KNDC1: variants seen among roughly 807,000 people sequenced by gnomAD.
KNDC1 encodes kinase non-catalytic C-lobe domain-containing protein 1.
Under a neutral mutation model 172.8 loss-of-function variants are expected in KNDC1, and 106 were observed. That is an observed-to-expected ratio of 0.61 (90% CI 0.52 to 0.72). The LOEUF (loss-of-function observed/expected upper bound fraction) is 0.72. Ranked by LOEUF, KNDC1 falls within the 30% of genes least tolerant of loss-of-function variation. The pLI is 0.00. For missense variants in KNDC1, 2,325 were observed against 2,394.5 expected (o/e 0.97, Z 0.61); for synonymous variants, 1,083 against 1,062.2 (o/e 1.02, Z -0.38).
intron 3 of KNDC1, among the ~76,000 whole-genome samples, chr10:133,176,124 A>G (rs1853532043): frequency 6.6e-6 from 1 of 150,660 alleles, no homozygotes; most frequent in Admixed American, 6.6e-5. Flanking sequence ...GTGTATGAAC[A>G]GGCAGATGTA....
At chr10:133,164,919 C>T (rs1242491499) in intron 1 of KNDC1, among the ~76,000 whole-genome samples, 3 of 152,164 alleles carry the variant, frequency 2.0e-5, no homozygotes, top group Admixed American at 6.5e-5. Flanking sequence ...CCTGTCTGAC[C>T]CCCCCTTGCT....
At chr10:133,172,115 C>G (rs943720750) in intron 3 of KNDC1, among the ~76,000 whole-genome samples, 14 of 152,186 alleles carry the variant, frequency 9.2e-5, no homozygotes, top group Admixed American at 9.2e-4. Flanking sequence ...CAGGGAACAG[C>G]AATGAGTCTT....
In KNDC1 at chr10:133,218,840, A is replaced by C. The variant is rs548149750; in HGVS notation, c.4687A>C (p.Asn1563His). The C allele has an allele frequency of 2.5e-6, 4 of 1,611,280 alleles. No homozygotes were observed. In the Admixed American group the frequency reaches 6.7e-5, roughly 27 times the overall value. Residue 1563 changes from asparagine to histidine, a missense_variant, in exon 27 of 30, where the codon AAC becomes CAC. Transcript: ENST00000304613. ...CATTTTCTTATTGCAGCTGCAGGTG[A>C]ACTTGCTGTCCAAATTTTTGCTGAT... ...VTSHTSKLQV[N>H]LLSKFLLIAK...
At chr10:133,165,042 C>T (rs2135941756) in intron 1 of KNDC1, among the ~76,000 whole-genome samples, 1 of 152,292 alleles carries the variant, frequency 6.6e-6, no homozygotes, top group Middle Eastern at 3.4e-3. Context: ...AGAGTTCAGG[C>T]CTGGGAGCCC....
At chr10:133,189,025 C>T (rs1228494893) in intron 7 of KNDC1, among the ~76,000 whole-genome samples, 1 of 152,282 alleles carries the variant, frequency 6.6e-6, no homozygotes, top group East Asian at 1.9e-4. Context: ...ATTCTCAACA[C>T]AGTGACATTG....
At chr10:133,183,828 G>A in intron 4 of KNDC1, 44 bp from the exon 5 acceptor site, 1 of 1,436,502 alleles carries the variant, frequency 7.0e-7, no homozygotes, top group African/African-American at 1.4e-5. Context: ...GCGGGAGATG[G>A]CCCCTCCTCC....
intron 26 of KNDC1, among the ~76,000 whole-genome samples, chr10:133,218,059 CAAA>C (rs35600165): frequency 1.2e-4 from 12 of 100,586 alleles, no homozygotes; most frequent in African/African-American, 1.1e-4. Flanking sequence ...GACTCCATCT[CAAA>C]AAAAAAAAAA....
Position 133,211,658 on chromosome 10 carries a change from CA to C in KNDC1, c.4057-20del. ...CTCCAGAAGGTGGCAGTGACCCCCC[CA>C]CCACTGTGCTTCTGCCTAGATCCTA... On this transcript the variant is annotated intron_variant, in intron 22 of 29. Transcript: ENST00000304613. 6.3e-7 allele frequency: 1 copy of C among 1,589,888 alleles called. No homozygotes were observed. Among genetic ancestry groups the C allele is most frequent in the Non-Finnish European group, 8.6e-7 (1 of 1,165,706 alleles).
At chr10:133,169,381 A>C (rs1297564197) in intron 3 of KNDC1, among the ~76,000 whole-genome samples, 1 of 152,194 alleles carries the variant, frequency 6.6e-6, no homozygotes, top group Non-Finnish European at 1.5e-5. Context: ...GATCTCTTGA[A>C]CCCAAGAGGT....
Position 133,207,139 on chromosome 10 carries a change from C to T in KNDC1, c.3582C>T (p.Val1194=). 1 of 1,585,822 alleles carries T rather than the reference C, an allele frequency of 6.3e-7. No homozygotes were observed. Among genetic ancestry groups the T allele is most frequent in the Non-Finnish European group, 8.6e-7 (1 of 1,167,056 alleles). ...FLSLVKKYLQ[V]MYAERWGLEP... ...GCGCCCGTGTCCCGCTCCGGCAGGT[C>T]ATGTACGCGGAACGCTGGGGCCTGG... is the stretch of plus-strand genomic sequence containing the variant. Residue 1194 remains valine (V), a splice_region_variant and synonymous_variant, in exon 20 of 30, where the codon GTC becomes GTT. Transcript: ENST00000304613.
chr10:133,204,557 C>T lies in KNDC1; in HGVS notation c.3388-2128C>T, dbSNP rs1224739128. ...AGCCTGGCCCTCCGTGGCACCGCCA[C>T]GGCCGCTGCTGAACCCGTGCGTGGG... On this transcript the variant is annotated intron_variant, in intron 17 of 29. Coordinates refer to ENST00000304613, the MANE Select transcript of KNDC1 (RefSeq NM_152643.8). Among the ~76,000 whole-genome samples, 25 of 152,324 alleles carry T rather than the reference C, an allele frequency of 1.6e-4. No individual in the cohort carries two copies. In the South Asian group the frequency reaches 1.9e-3, roughly 11 times the overall value.
Position 133,201,791 on chromosome 10 carries a change from T to C in KNDC1, c.3280T>C (p.Cys1094Arg). Residue 1094 changes from cysteine (C) to arginine (R), a missense_variant, in exon 17 of 30, where the codon TGC becomes CGC. Physicochemically the swap from Cys to Arg is radical, Grantham distance 180. Coordinates refer to ENST00000304613, the MANE Select transcript of KNDC1 (RefSeq NM_152643.8). ...AGFQSCSPGW[C>R]SAFYEADCFG... is the part of the protein sequence containing the mutation. Reference sequence around the variant, plus strand: ...ATTCCAGAGCTGCAGCCCCGGCTGGTGCAGCGCCTTCTACGAGGCCGACTG... The same window carrying C: ...ATTCCAGAGCTGCAGCCCCGGCTGGCGCAGCGCCTTCTACGAGGCCGACTG... The C allele has an allele frequency of 6.5e-7, 1 of 1,531,946 alleles. No homozygotes were observed. The highest frequency in any genetic ancestry group is 8.8e-7 in the Non-Finnish European group (1 of 1,142,360). The allele number at this position is 1,531,946 out of a possible 1,614,324, so 94.9% of individuals were successfully genotyped here.
chr10:133,201,899 G>T lies in KNDC1; in HGVS notation c.3387+1G>T. The T allele has an allele frequency of 6.8e-7, 1 of 1,474,750 alleles. No homozygotes were observed. The allele number at this position is 1,474,750 out of a possible 1,614,324, so 91.4% of individuals were successfully genotyped here. A position where few individuals can be genotyped will look rare whatever the true frequency, so the allele number is the denominator to read the frequency against. On this transcript the variant is annotated splice_donor_variant, in intron 17 of 29. Coordinates refer to ENST00000304613, the MANE Select transcript of KNDC1 (RefSeq NM_152643.8). LOFTEE classifies it high-confidence loss of function. ...GGCCCTGCCCGACGCCCAGAGCCCG[G>T]TGAGTCCCAGGCCTTGGCACTGCCG...
intron 6 of KNDC1, among the ~76,000 whole-genome samples, chr10:133,187,048 A>G (rs1853941206): frequency 1.3e-5 from 2 of 152,242 alleles, no homozygotes; most frequent in Non-Finnish European, 2.9e-5. Context: ...CCGTGTCCCC[A>G]GTCCTGATGC....
At chr10:133,208,976 CAT>C (rs371842341) in intron 20 of KNDC1, among the ~76,000 whole-genome samples, 164 of 151,730 alleles carry the variant, frequency 1.1e-3, no homozygotes, top group African/African-American at 3.2e-3. Flanking sequence ...TATAATGTGA[CAT>C]GTGTGCACGT....
chr10:133,172,825 G>C (rs888697852), intron 3 of KNDC1, among the ~76,000 whole-genome samples: 1 of 152,142 alleles, frequency 6.6e-6, no homozygotes, highest in Admixed American at 6.5e-5. Flanking sequence ...AACAAACTGA[G>C]ACCCTGTCTC....
At position 133,220,009 on chromosome 10, in the gene KNDC1, C is replaced by G. The variant is rs1845549480; in HGVS notation, c.4915C>G (p.Gln1639Glu). Reference sequence around the variant, plus strand: ...GATGGAAGGGCGGCGCTTCCGGGCGCAGCCCACCCTGCCCTCGGCCCACCT... The same window carrying G: ...GATGGAAGGGCGGCGCTTCCGGGCGGAGCCCACCCTGCCCTCGGCCCACCT... ...CLMEGRRFRA[Q>E]PTLPSAHLLA... The change falls in exon 29 of 30, where the codon CAG becomes GAG. Residue 1639 changes from glutamine (Q) to glutamate (E), a missense_variant. Coordinates refer to ENST00000304613, the MANE Select transcript of KNDC1 (RefSeq NM_152643.8). The G allele has an allele frequency of 6.4e-7, 1 of 1,554,136 alleles. No individual in the cohort carries two copies. The highest frequency in any genetic ancestry group is 8.7e-7 in the Non-Finnish European group (1 of 1,148,668).
At chr10:133,222,101 G>A (rs1845607187) in intron 29 of KNDC1, among the ~76,000 whole-genome samples, 1 of 150,448 alleles carries the variant, frequency 6.6e-6, no homozygotes, top group Non-Finnish European at 1.5e-5. Flanking sequence ...GGCCAACATG[G>A]TGAAACCCCA....
intron 3 of KNDC1, among the ~76,000 whole-genome samples, chr10:133,169,825 G>A (rs112885100): frequency 1.4e-3 from 209 of 152,344 alleles, no homozygotes; most frequent in East Asian, 2.7e-3. Context: ...TTGTGCTTGC[G>A]TTCCTAGTCA....
Sources: allele counts gnomAD v4.1 joint callset (sites outside exome capture counted in the v4.1 genomes callset), GRCh38; gene constraint gnomAD v4.1.1; transcripts MANE v1.5; gene names NCBI Gene and HGNC (gene_info 2026-07-23, HGNC 2026-07-21).